The following C5 variants were observed in gnomAD, a reference collection of about 807,000 sequenced individuals.
C5 encodes C3 and PZP-like alpha-2-macroglobulin domain-containing protein 4.
A neutral mutation model predicts 218.8 loss-of-function variants in C5; 140 were observed. That is an observed-to-expected ratio of 0.64 (90% CI 0.56 to 0.74). The LOEUF (loss-of-function observed/expected upper bound fraction) is 0.74, where lower values mean the gene tolerates loss of function less well. C5 is among the 30% of genes least tolerant of loss of function. The pLI, the probability that C5 is intolerant of heterozygous loss-of-function variation, is 0.00. For synonymous variants in C5, 614 were observed against 682.3 expected (o/e 0.90, Z 1.56); for missense variants, 1,700 against 1,969.6 (o/e 0.86, Z 2.59).
In C5 at chr9:120,988,656, G is replaced by A. The variant is rs41311891; in HGVS notation, c.3230+390C>T. On this transcript the variant is annotated intron_variant, in intron 25 of 40. Transcript: ENST00000223642. ...AATAAAAAGTTTGGTTTTTACTCTGGGTAAGATGGGAAGCTCCTAAATGGT... is the reference window on the plus strand; with the variant it reads ...AATAAAAAGTTTGGTTTTTACTCTGAGTAAGATGGGAAGCTCCTAAATGGT... 2.5e-3 allele frequency among the ~76,000 whole-genome samples: 384 copies of A among 152,264 alleles called. 1 individual carries two copies. The highest frequency in any genetic ancestry group is 8.7e-3 in the African/African-American group (361 of 41,550).
intron 22 of C5, among the ~76,000 whole-genome samples, chr9:120,994,983 T>C (rs546048778): frequency 6.6e-5 from 10 of 151,520 alleles, no homozygotes; most frequent in Non-Finnish European, 1.5e-4. Flanking sequence ...CTTGATATAA[T>C]TGCATGAGGC....
In C5 at chr9:120,953,715, A is replaced by AG. The variant is rs772799880; in HGVS notation, c.4901+14_4901+15insC. The AG allele has an allele frequency of 4.3e-6, 7 of 1,613,744 alleles. 1 individual carries two copies. The South Asian group carries it at 7.7e-5, about 18-fold the overall frequency. ...TGGAGGGAAGATCAGTGACTGAAAA[A>AG]TATTGGTGACTTACCTGAAACTGAA... On this transcript the variant is annotated intron_variant, in intron 40 of 40. Transcript: ENST00000223642.
At position 121,032,128 on chromosome 9, in the gene C5, C is replaced by T. The variant is rs768847090; in HGVS notation, c.652G>A (p.Glu218Lys). 1.0e-5 allele frequency: 16 copies of T among 1,599,346 alleles called. No homozygotes were observed. The South Asian group carries it at 1.8e-4, about 18-fold the overall frequency. ...DFSTTGTAYF[E>K]VKEYVLPHFS... The stretch of plus-strand genomic sequence containing the variant: ...CAGAAATTACCATATTCTTTAACTT[C>T]AAAATATGCGGTTCCAGTTGTTGAA... The change falls in exon 6 of 41, where the codon GAA (glutamate) becomes AAA (lysine). Residue 218 changes from glutamate (E) to lysine (K), a missense_variant. By Grantham distance (56) the Glu-to-Lys change is moderately conservative. Coordinates refer to ENST00000223642, the MANE Select transcript of C5 (RefSeq NM_001735.3).
chr9:120,992,186 C>A (rs1359309991), intron 22 of C5, among the ~76,000 whole-genome samples: 2 of 152,220 alleles, frequency 1.3e-5, no homozygotes, highest in Non-Finnish European at 2.9e-5. Flanking sequence ...TCACATTTTG[C>A]AATTTAATGG....
intron 4 of C5, among the ~76,000 whole-genome samples, chr9:121,036,989 T>C (rs1272004732): frequency 6.6e-6 from 1 of 152,130 alleles, no homozygotes; most frequent in East Asian, 1.9e-4. Flanking sequence ...TATTATTTTA[T>C]TTCCTCACAA....
chr9:121,069,824 A>C, the C5 span, among the ~76,000 whole-genome samples: 1 of 152,102 alleles, frequency 6.6e-6, no homozygotes, highest in Non-Finnish European at 1.5e-5. Flanking sequence ...AGAAAAAGGG[A>C]CTCATACACT....
upstream of C5, among the ~76,000 whole-genome samples, chr9:121,053,106 G>A (rs1248808148): frequency 6.6e-6 from 1 of 152,170 alleles, no homozygotes; most frequent in African/African-American, 2.4e-5. Flanking sequence ...GCTGCCCCAG[G>A]TAATTTTCAT....
At chr9:120,974,959 T>C (rs746271224) in intron 29 of C5, 28 bp from the exon 30 acceptor site, 5 of 1,613,536 alleles carry the variant, frequency 3.1e-6, no homozygotes, top group Non-Finnish European at 4.2e-6. Context: ...GGCACAAAAA[T>C]ATGTTTAGTT....
the C5 span, among the ~76,000 whole-genome samples, chr9:121,055,869 C>T: frequency 1.3e-5 from 2 of 152,340 alleles, no homozygotes; most frequent in Middle Eastern, 3.4e-3. Context: ...CCTCCCCCAG[C>T]TCCAGTTAGC....
intron 4 of C5, 95 bp downstream of exon 4, chr9:121,037,786 G>T: frequency 1.7e-6 from 1 of 599,332 alleles, no homozygotes; most frequent in Non-Finnish European, 3.0e-6. Context: ...ATGGAACATT[G>T]AATGATTTAG....
intron 20 of C5, among the ~76,000 whole-genome samples, chr9:121,005,588 GAATCAAGGA>G (rs1328036055): frequency 6.6e-6 from 1 of 152,150 alleles, no homozygotes; most frequent in African/African-American, 2.4e-5. Flanking sequence ...AGGGTTGTTA[GAATCAAGGA>G]AATCAAGGAA....
chr9:121,032,671 A>C (rs926470571), intron 5 of C5, among the ~76,000 whole-genome samples: 1 of 152,220 alleles, frequency 6.6e-6, no homozygotes, highest in Non-Finnish European at 1.5e-5. Context: ...TAAAAGATGA[A>C]AATGACCTGG....
Position 121,016,359 on chromosome 9 carries a change from C to T in C5, c.1891G>A (p.Asp631Asn), listed in dbSNP as rs763634629. Reference protein sequence around the residue: ...ERVFQFLEKSDLGCGAGGGLN... With the variant: ...ERVFQFLEKSNLGCGAGGGLN... ...CCACCACCTGCCCCACAGCCCAGAT[C>T]ACTCTTCTCTAAGAATTGAAATACC... Residue 631 changes from aspartate to asparagine, a missense_variant, in exon 15 of 41, where the codon GAT (aspartate) becomes AAT (asparagine). Coordinates refer to ENST00000223642, the MANE Select transcript of C5 (RefSeq NM_001735.3). The T allele has an allele frequency of 1.9e-6, 3 of 1,613,968 alleles. No homozygotes were observed. Among genetic ancestry groups the T allele is most frequent in the African/African-American group, 2.7e-5 (2 of 74,924 alleles).
At chr9:121,008,350 G>T in intron 18 of C5, 58 bp downstream of exon 18, 1 of 1,210,266 alleles carries the variant, frequency 8.3e-7, no homozygotes, top group South Asian at 1.2e-5. Flanking sequence ...TAGATTTTTG[G>T]CCATAATACT....
Position 121,034,807 on chromosome 9 carries a change from G to C in C5, c.580C>G (p.Pro194Ala). 3 of 1,524,636 alleles carry C rather than the reference G, an allele frequency of 2.0e-6. No individual in the cohort carries two copies. The highest frequency in any genetic ancestry group is 2.7e-6 in the Non-Finnish European group (3 of 1,099,862). The allele number at this position is 1,524,636 out of a possible 1,614,324, so 94.4% of individuals were successfully genotyped here. A position where few individuals can be genotyped will look rare whatever the true frequency, so the allele number is the denominator to read the frequency against. ...TTAACAACTATTTTTACATACCTAG[G>C]ATTAGACGGAATCTTGAAGTCAGGA... Reference protein sequence around the residue: ...SFPDFKIPSNPRYGMWTIKAK... With the variant: ...SFPDFKIPSNARYGMWTIKAK... Residue 194 changes from proline (P) to alanine (A), a missense_variant, in exon 5 of 41, where the codon CCT (proline) becomes GCT (alanine). Pro to Ala is a conservative substitution (Grantham distance 27). Coordinates refer to ENST00000223642, the MANE Select transcript of C5 (RefSeq NM_001735.3).
rs777405924 is a variant in C5 at position 120,952,808 on chromosome 9, A to T, written c.4962T>A (p.Cys1654Ter). 1 of 1,612,866 alleles carries T rather than the reference A, an allele frequency of 6.2e-7. No homozygotes were observed. The highest frequency in any genetic ancestry group is 2.2e-5 in the East Asian group (1 of 44,868). The change falls in exon 41 of 41, where the codon TGT becomes TGA. Residue 1654 changes from cysteine to a stop codon, truncating the protein, a stop_gained. Coordinates refer to ENST00000223642, the MANE Select transcript of C5 (RefSeq NM_001735.3). LOFTEE classifies it high-confidence loss of function. ...TAGCTAAAAATGCTTGACACGATGA[A>T]CATGTTGTGTCTCTAGGCCAGTATT... ...WIEYWPRDTT[C>*]SSCQAFLANL...
At chr9:121,050,317 G>A (rs1450585856), upstream of C5, 3 of 1,173,942 alleles carry the variant, frequency 2.6e-6, no homozygotes, top group African/African-American at 4.5e-5. Flanking sequence ...AACTGAACTT[G>A]AAGAATTCAG....
intron 16 of C5, 109 bp downstream of exon 16, chr9:121,015,090 T>G: frequency 1.4e-6 from 1 of 739,826 alleles, no homozygotes; most frequent in Non-Finnish European, 2.3e-6. Flanking sequence ...CATATCTTTC[T>G]TTTCATTCAT....
the C5 span, among the ~76,000 whole-genome samples, chr9:121,063,986 A>G: frequency 6.6e-6 from 1 of 151,360 alleles, no homozygotes; most frequent in African/African-American, 2.4e-5. Flanking sequence ...GAATCTTGAG[A>G]TATTTCTTTG....
Sources: allele counts gnomAD v4.1 joint callset (sites outside exome capture counted in the v4.1 genomes callset), GRCh38; gene constraint gnomAD v4.1.1; transcripts MANE v1.5; gene names NCBI Gene and HGNC (gene_info 2026-07-23, HGNC 2026-07-21).